The following NDUFA12 variants were observed in gnomAD, a reference collection of about 807,000 sequenced individuals.
NDUFA12 encodes NADH dehydrogenase [ubiquinone] 1 alpha subcomplex subunit 12.
Under a neutral mutation model 20.3 loss-of-function variants are expected in NDUFA12, and 17 were observed. The observed-to-expected ratio is 0.84, with a 90% CI of 0.57 to 1.26. The LOEUF (loss-of-function observed/expected upper bound fraction) is 1.26. NDUFA12 is among the 50% of genes most tolerant of loss of function. The pLI, the probability that NDUFA12 is intolerant of heterozygous loss-of-function variation, is 0.00. For synonymous variants in NDUFA12, 72 were observed against 63.6 expected (o/e 1.13, Z -0.63); for missense variants, 191 against 183.7 (o/e 1.04, Z -0.23).
At chr12:94,979,667 T>TAA (rs34412426) in intron 3 of NDUFA12, among the ~76,000 whole-genome samples, 8 of 146,496 alleles carry the variant, frequency 5.5e-5, no homozygotes, top group South Asian at 4.4e-4. Context: ...CCCACCCCTA[T>TAA]AAAAAAAAAA....
rs957396188 is a variant in NDUFA12 at position 94,983,369 on chromosome 12, G to T, written c.257+10801C>A. Among the ~76,000 whole-genome samples, 8 of 152,154 alleles carry T rather than the reference G, an allele frequency of 5.3e-5. No homozygotes were observed. In the East Asian group the frequency reaches 1.3e-3, roughly 26 times the overall value. ...TATGGGATATCACTTCCTAGATGAGGTTTAAAAAGACTGTTCCTTCCACCT... is the reference window on the plus strand; with the variant it reads ...TATGGGATATCACTTCCTAGATGAGTTTTAAAAAGACTGTTCCTTCCACCT... On this transcript the variant is annotated intron_variant, in intron 3 of 3. Coordinates refer to ENST00000327772, the MANE Select transcript of NDUFA12 (RefSeq NM_018838.5).
chr12:94,982,192 G>A (rs953034434), intron 3 of NDUFA12, among the ~76,000 whole-genome samples: 14 of 152,206 alleles, frequency 9.2e-5, no homozygotes, highest in Non-Finnish European at 1.6e-4. Flanking sequence ...AGCATCAGAT[G>A]TTCCTCTCCC....
intron 3 of NDUFA12, among the ~76,000 whole-genome samples, chr12:94,977,272 G>A (rs756481332): frequency 1.1e-3 from 166 of 152,268 alleles, no homozygotes; most frequent in Middle Eastern, 3.4e-3. Context: ...CAAGGTTGGA[G>A]GATCACTTGA....
chr12:94,979,583 C>T (rs1874169308), intron 3 of NDUFA12, among the ~76,000 whole-genome samples: 1 of 151,984 alleles, frequency 6.6e-6, no homozygotes, highest in Non-Finnish European at 1.5e-5. Flanking sequence ...GTAATCCCAG[C>T]ACTTTGGAAG....
intron 3 of NDUFA12, among the ~76,000 whole-genome samples, chr12:94,984,246 A>G (rs1312821769): frequency 6.6e-6 from 1 of 152,144 alleles, no homozygotes. Flanking sequence ...GTCCACTGAG[A>G]AGGCCTGGAA....
chr12:94,985,007 A>ATAACATAAC (rs756547609), intron 3 of NDUFA12, among the ~76,000 whole-genome samples: 2 of 147,258 alleles, frequency 1.4e-5, no homozygotes, highest in African/African-American at 2.5e-5. Context: ...CATAACATAA[A>ATAACATAAC]ATAAGATAAA....
intron 3 of NDUFA12, among the ~76,000 whole-genome samples, chr12:94,985,804 G>A (rs1874415671): frequency 6.6e-6 from 1 of 151,770 alleles, no homozygotes; most frequent in Admixed American, 6.6e-5. Context: ...ATAAAAATAG[G>A]CCAGGCACAG....
At chr12:94,972,798 T>C (rs1388190755) in intron 3 of NDUFA12, among the ~76,000 whole-genome samples, 1 of 152,160 alleles carries the variant, frequency 6.6e-6, no homozygotes, top group Non-Finnish European at 1.5e-5. Flanking sequence ...AAAAGCTGGA[T>C]ACCTGGAGTT....
intron 3 of NDUFA12, among the ~76,000 whole-genome samples, chr12:94,988,695 G>A (rs2136066507): frequency 6.6e-6 from 1 of 152,248 alleles, no homozygotes; most frequent in Non-Finnish European, 1.5e-5. Flanking sequence ...TTGAGGGGCA[G>A]GCCGTCCAGG....
chr12:94,973,430 G>C (rs1047668983), intron 3 of NDUFA12, among the ~76,000 whole-genome samples: 1 of 152,182 alleles, frequency 6.6e-6, no homozygotes, highest in Admixed American at 6.5e-5. Context: ...TGGTGAGCCA[G>C]GCTCCACTAA....
At chr12:94,987,741 C>T (rs1874495166) in intron 3 of NDUFA12, among the ~76,000 whole-genome samples, 1 of 133,750 alleles carries the variant, frequency 7.5e-6, no homozygotes, top group African/African-American at 2.9e-5. Flanking sequence ...GTCGAGGCTG[C>T]AGACTGTACC....
intron 2 of NDUFA12, chr12:94,997,032 CTGTGA>C (rs1397768844): frequency 3.4e-6 from 1 of 297,708 alleles, no homozygotes; most frequent in African/African-American, 2.3e-5. Context: ...GTCTAAAATT[CTGTGA>C]TTTATGTATT....
intron 2 of NDUFA12, among the ~76,000 whole-genome samples, chr12:94,998,023 C>T (rs1874894160): frequency 6.6e-6 from 1 of 151,916 alleles, no homozygotes; most frequent in African/African-American, 2.4e-5. Flanking sequence ...AATTAGCTGT[C>T]TCAAAAAAAG....
chr12:94,990,281 A>C (rs1188481331), intron 3 of NDUFA12, among the ~76,000 whole-genome samples: 8 of 151,718 alleles, frequency 5.3e-5, no homozygotes, highest in African/African-American at 1.9e-4. Flanking sequence ...GAAAAAAAAA[A>C]AACAAAAAAA....
chr12:94,975,844 T>TG (rs1874048147), intron 3 of NDUFA12, among the ~76,000 whole-genome samples: 3 of 151,996 alleles, frequency 2.0e-5, no homozygotes, highest in Admixed American at 1.3e-4. Context: ...AGGCCATGAG[T>TG]TCGAGACCAG....
At chr12:95,000,580 C>CAT (rs1419833483) in intron 2 of NDUFA12, among the ~76,000 whole-genome samples, 1 of 152,150 alleles carries the variant, frequency 6.6e-6, no homozygotes, top group East Asian at 1.9e-4. Context: ...TTAGGAGGCA[C>CAT]ATATTATTAT....
chr12:95,002,661 T>C (rs1875095262), intron 2 of NDUFA12, 78 bp downstream of exon 2: 4 of 1,034,314 alleles, frequency 3.9e-6, no homozygotes, highest in African/African-American at 3.1e-5. Context: ...TAAAAGCTCA[T>C]TGCATAATAT....
intron 3 of NDUFA12, among the ~76,000 whole-genome samples, chr12:94,983,211 C>A (rs887409725): frequency 1.3e-5 from 2 of 152,110 alleles, no homozygotes; most frequent in Non-Finnish European, 2.9e-5. Context: ...TCCTGCTGAC[C>A]CCATCTTACT....
intron 3 of NDUFA12, among the ~76,000 whole-genome samples, chr12:94,979,655 A>G (rs1323026115): frequency 7.0e-6 from 1 of 142,134 alleles, no homozygotes; most frequent in Non-Finnish European, 1.5e-5. Context: ...ACATGGAGAA[A>G]CCCCACCCCT....
Sources: gnomAD v4.1 joint callset for allele counts (sites outside exome capture counted in the v4.1 genomes callset) on GRCh38, gnomAD v4.1.1 for gene constraint, MANE v1.5 for transcripts, NCBI Gene and HGNC (gene_info 2026-07-23, HGNC 2026-07-21) for gene names.